Variants in DNM3 observed in about 807,000 individuals in gnomAD.
The protein encoded by DNM3 is dynamin 3, also known as dynamin-3.
Under a neutral mutation model 101.6 loss-of-function variants are expected in DNM3, and 47 were observed. The observed-to-expected ratio is 0.46, with a 90% confidence interval of 0.37 to 0.59. The LOEUF (loss-of-function observed/expected upper bound fraction) is 0.59, where lower values mean the gene tolerates loss of function less well. Ranked by LOEUF, DNM3 falls within the 20% of genes least tolerant of loss-of-function variation. The pLI, the probability that DNM3 is intolerant of heterozygous loss-of-function variation, is 0.00. For synonymous variants in DNM3, 385 were observed against 387.9 expected (o/e 0.99, Z 0.09); for missense variants, 849 against 1,085.7 (o/e 0.78, Z 3.06).
intron 11 of DNM3, 50 bp from the exon 12 acceptor site, chr1:172,081,782 T>G: frequency 4.7e-5 from 69 of 1,478,150 alleles, no homozygotes; most frequent in Non-Finnish European, 5.8e-5. Flanking sequence ...ATTTAATGTT[T>G]GAGAATTTTT....
chr1:172,414,222 T>C (rs1430176517), downstream of DNM3, among the ~76,000 whole-genome samples: 1 of 152,184 alleles, frequency 6.6e-6, no homozygotes, highest in African/African-American at 2.4e-5. Context: ...GCATAGCCAC[T>C]TTTCAGACCT....
chr1:171,951,758 T>A (rs2042540914), intron 2 of DNM3, among the ~76,000 whole-genome samples: 1 of 152,182 alleles, frequency 6.6e-6, no homozygotes, highest in Admixed American at 6.6e-5. Context: ...GTAAAACATT[T>A]CAAAAGGTTT....
chr1:172,279,694 C>G (rs1303487137), intron 15 of DNM3, among the ~76,000 whole-genome samples: 1 of 152,082 alleles, frequency 6.6e-6, no homozygotes, highest in South Asian at 2.1e-4. Flanking sequence ...GGATTTTTCT[C>G]TTGCCTTCAC....
chr1:172,186,216 G>A (rs917221562), intron 14 of DNM3, among the ~76,000 whole-genome samples: 4 of 152,110 alleles, frequency 2.6e-5, no homozygotes, highest in Non-Finnish European at 1.5e-5. Flanking sequence ...TTTTGCTTAC[G>A]ACCAACCAAC....
At position 171,962,141 on chromosome 1, in the gene DNM3, C is replaced by G. The variant is rs369449012; in HGVS notation, c.236-25515C>G. 9.9e-5 allele frequency among the ~76,000 whole-genome samples: 15 copies of G among 152,230 alleles called. No individual in the cohort carries two copies. In the East Asian group the frequency reaches 2.5e-3, roughly 25 times the overall value. On this transcript the variant is annotated intron_variant, in intron 2 of 20. Transcript: ENST00000627582. ...TCCTCATGGTAACCCATTAGTTAAC[C>G]CATGAATCCATTAATCCAAGAATGT...
At chr1:172,069,693 G>A (rs540297740) in intron 11 of DNM3, among the ~76,000 whole-genome samples, 23 of 152,158 alleles carry the variant, frequency 1.5e-4, no homozygotes, top group Non-Finnish European at 2.9e-4. Context: ...GTGATGTTGT[G>A]GAGAGAACAC....
intron 13 of DNM3, among the ~76,000 whole-genome samples, chr1:172,119,858 C>T (rs2056190919): frequency 6.6e-6 from 1 of 152,206 alleles, no homozygotes; most frequent in African/African-American, 2.4e-5. Flanking sequence ...ACCCCTTTCT[C>T]TCCCATCTTC....
intron 15 of DNM3, among the ~76,000 whole-genome samples, chr1:172,266,763 G>C (rs536214237): frequency 3.7e-4 from 57 of 152,230 alleles, no homozygotes; most frequent in South Asian, 6.2e-4. Flanking sequence ...TTCCAGTAGA[G>C]GTGTGTGTAA....
chr1:172,071,117 A>ATATCTATC (rs1553362094), intron 11 of DNM3, among the ~76,000 whole-genome samples: 6 of 131,686 alleles, frequency 4.6e-5, no homozygotes, highest in African/African-American at 1.7e-4. Flanking sequence ...ATATATATAT[A>ATATCTATC]TATCTTAGTT....
intron 1 of DNM3, among the ~76,000 whole-genome samples, chr1:171,866,851 T>A (rs762626079): frequency 4.0e-4 from 61 of 152,150 alleles, no homozygotes; most frequent in Admixed American, 7.2e-4. Flanking sequence ...ATAGTAGGTG[T>A]TCAGTAATTT....
intron 1 of DNM3, among the ~76,000 whole-genome samples, chr1:171,847,521 A>T (rs192985848): frequency 1.3e-4 from 17 of 135,212 alleles, no homozygotes; most frequent in Non-Finnish European, 2.4e-4. Flanking sequence ...AGAGGGCCCT[A>T]GAGAAGAGCA....
chr1:172,416,787 A>G (rs1189068024), downstream of DNM3, among the ~76,000 whole-genome samples: 1 of 152,184 alleles, frequency 6.6e-6, no homozygotes, highest in Non-Finnish European at 1.5e-5. Flanking sequence ...CACTTTCTTC[A>G]TGAAAACACC....
intron 15 of DNM3, among the ~76,000 whole-genome samples, chr1:172,272,488 T>C (rs954983038): frequency 1.3e-5 from 2 of 152,168 alleles, no homozygotes; most frequent in Non-Finnish European, 1.5e-5. Flanking sequence ...CTTTGCACCA[T>C]CAGTGCAATG....
At chr1:171,919,545 T>G (rs2039992262) in intron 1 of DNM3, among the ~76,000 whole-genome samples, 1 of 152,134 alleles carries the variant, frequency 6.6e-6, no homozygotes, top group Non-Finnish European at 1.5e-5. Flanking sequence ...TACTCTGGAG[T>G]TTTGCTTTTT....
In DNM3 at chr1:172,238,645, A is replaced by C. The variant is rs577288581; in HGVS notation, c.1660-14928A>C. On this transcript the variant is annotated intron_variant, in intron 14 of 20. Transcript: ENST00000627582. ...TCGGCAGAGGTAAGCATGCAGTCCC[A>C]TTCATGGTACCTGAAATCCAGTTGG... Among the ~76,000 whole-genome samples, 12 of 152,226 alleles carry C rather than the reference A, an allele frequency of 7.9e-5. No individual in the cohort carries two copies. In the South Asian group the frequency reaches 2.3e-3, roughly 29 times the overall value.
intron 4 of DNM3, among the ~76,000 whole-genome samples, chr1:172,015,988 C>T (rs539626460): frequency 7.5e-4 from 109 of 146,170 alleles, no homozygotes; most frequent in Non-Finnish European, 1.1e-3. Context: ...GCAGCGTGGC[C>T]AACATGGTGA....
At chr1:172,347,823 G>A (rs1195539120) in intron 17 of DNM3, among the ~76,000 whole-genome samples, 3 of 152,024 alleles carry the variant, frequency 2.0e-5, no homozygotes, top group Admixed American at 2.0e-4. Flanking sequence ...TAATCTAAAT[G>A]GCCATTAGTG....
At chr1:171,916,893 C>G (rs1026171970) in intron 1 of DNM3, among the ~76,000 whole-genome samples, 1 of 152,162 alleles carries the variant, frequency 6.6e-6, no homozygotes, top group South Asian at 2.1e-4. Flanking sequence ...TTGTGCTACT[C>G]TGGTCTTCCA....
At chr1:172,077,799 G>A (rs1283080574) in intron 11 of DNM3, among the ~76,000 whole-genome samples, 1 of 152,194 alleles carries the variant, frequency 6.6e-6, no homozygotes. Context: ...GGAGAGTTCT[G>A]TAGATGTCTA....
Sources: allele counts gnomAD v4.1 joint callset (sites outside exome capture counted in the v4.1 genomes callset), GRCh38; gene constraint gnomAD v4.1.1; transcripts MANE v1.5; gene names NCBI Gene and HGNC (gene_info 2026-07-23, HGNC 2026-07-21).